Variants in BMP6 observed in about 807,000 individuals in gnomAD.
BMP6 encodes the protein VG-1-R.
In BMP6, 17 loss-of-function variants were observed where a neutral mutation model predicts 54.1. The observed-to-expected ratio is 0.31, with a 90% CI of 0.22 to 0.47. The LOEUF (loss-of-function observed/expected upper bound fraction) is 0.47. BMP6 is among the 20% of genes least tolerant of loss of function. The pLI is 1.00. For missense variants in BMP6, 720 were observed against 690.4 expected (o/e 1.04, Z -0.48); for synonymous variants, 328 against 291.2 (o/e 1.13, Z -1.28).
At chr6:7,869,659 C>G (rs1226022449) in intron 4 of BMP6, among the ~76,000 whole-genome samples, 1 of 152,164 alleles carries the variant, frequency 6.6e-6, no homozygotes, top group African/African-American at 2.4e-5. Flanking sequence ...GGCAGCCTTC[C>G]CATTTGTTTT....
chr6:7,838,559 C>T (rs557630522), intron 1 of BMP6, among the ~76,000 whole-genome samples: 6 of 152,266 alleles, frequency 3.9e-5, no homozygotes, highest in Admixed American at 1.3e-4. Flanking sequence ...TTAATAGTAC[C>T]GAACTGGACT....
chr6:7,783,747 G>C (rs1458176882), intron 1 of BMP6, among the ~76,000 whole-genome samples: 1 of 152,194 alleles, frequency 6.6e-6, no homozygotes, highest in African/African-American at 2.4e-5. Context: ...TTCTGGCTGG[G>C]GAGACCTCCT....
intron 1 of BMP6, among the ~76,000 whole-genome samples, chr6:7,802,495 G>T (rs1425555321): frequency 6.6e-6 from 1 of 152,200 alleles, no homozygotes; most frequent in Non-Finnish European, 1.5e-5. Flanking sequence ...CAAGTAAGGG[G>T]TTTCTAATAA....
At chr6:7,764,549 C>T (rs1207562711) in intron 1 of BMP6, among the ~76,000 whole-genome samples, 1 of 152,144 alleles carries the variant, frequency 6.6e-6, no homozygotes, top group East Asian at 1.9e-4. Flanking sequence ...GCCATTTGCA[C>T]ATCAGATGTT....
chr6:7,734,696 G>T (rs542859761), intron 1 of BMP6, among the ~76,000 whole-genome samples: 19 of 152,340 alleles, frequency 1.2e-4, no homozygotes, highest in Admixed American at 1.2e-3. Context: ...GAGTGGCATT[G>T]TTCCACTGAT....
At chr6:7,784,320 A>C (rs1442597601) in intron 1 of BMP6, among the ~76,000 whole-genome samples, 9 of 152,246 alleles carry the variant, frequency 5.9e-5, no homozygotes, top group African/African-American at 2.2e-4. Flanking sequence ...ATCTATTTTT[A>C]AGGAATATGA....
intron 1 of BMP6, among the ~76,000 whole-genome samples, chr6:7,761,065 A>G (rs1156317906): frequency 1.3e-5 from 2 of 152,248 alleles, no homozygotes; most frequent in South Asian, 2.1e-4. Context: ...TATATTCGGC[A>G]TTATCGTTAC....
intron 1 of BMP6, among the ~76,000 whole-genome samples, chr6:7,806,472 C>G (rs1758348447): frequency 6.6e-6 from 1 of 152,114 alleles, no homozygotes; most frequent in Admixed American, 6.6e-5. Flanking sequence ...CTTCCCCTAC[C>G]TGAAATTTTG....
chr6:7,741,399 G>A (rs1189879010), intron 1 of BMP6, among the ~76,000 whole-genome samples: 2 of 152,080 alleles, frequency 1.3e-5, no homozygotes, highest in Non-Finnish European at 2.9e-5. Flanking sequence ...GGGCTCAAGT[G>A]ATCCTCCCAC....
chr6:7,862,796 A>G (rs926951255), intron 4 of BMP6, among the ~76,000 whole-genome samples: 3 of 152,018 alleles, frequency 2.0e-5, no homozygotes, highest in Admixed American at 6.5e-5. Flanking sequence ...TTAAATTCCC[A>G]TCAAAACCCT....
intron 2 of BMP6, 140 bp from the exon 3 acceptor site, chr6:7,861,311 A>G: frequency 1.8e-6 from 2 of 1,112,626 alleles, no homozygotes; most frequent in Non-Finnish European, 2.6e-6. Flanking sequence ...TTTCAGGGCT[A>G]TGGCAAGTCA....
intron 4 of BMP6, among the ~76,000 whole-genome samples, chr6:7,878,737 T>G (rs1339005989): frequency 6.6e-6 from 1 of 152,236 alleles, no homozygotes; most frequent in Non-Finnish European, 1.5e-5. Flanking sequence ...TGTGATGCCT[T>G]CCCGGTCTGG....
At chr6:7,764,097 A>G (rs1757651245) in intron 1 of BMP6, among the ~76,000 whole-genome samples, 1 of 152,200 alleles carries the variant, frequency 6.6e-6, no homozygotes, top group African/African-American at 2.4e-5. Context: ...TGGGAGGAGC[A>G]GGCGAGGCGC....
Position 7,726,606 on chromosome 6 carries a change from C to A in BMP6, c.-350C>A, listed in dbSNP as rs1761728110. ...GTGCGGCCAGCGAGGCCCAGAGTGACCGCGCCGCGACTCGCAGGAGCCAGG... is the reference window on the plus strand; with the variant it reads ...GTGCGGCCAGCGAGGCCCAGAGTGAACGCGCCGCGACTCGCAGGAGCCAGG... On this transcript the variant is annotated 5_prime_UTR_variant, in exon 1 of 7. Transcript: ENST00000283147. Among the ~76,000 whole-genome samples the A allele has an allele frequency of 6.6e-6, 1 of 152,148 alleles. No individual in the cohort carries two copies. Among genetic ancestry groups the A allele is most frequent in the Non-Finnish European group, 1.5e-5 (1 of 68,020 alleles).
chr6:7,768,225 A>C (rs925625369), intron 1 of BMP6, among the ~76,000 whole-genome samples: 20 of 152,078 alleles, frequency 1.3e-4, no homozygotes, highest in African/African-American at 4.6e-4. Flanking sequence ...TGAAGTATGA[A>C]AGGATTTTTC....
intron 1 of BMP6, among the ~76,000 whole-genome samples, chr6:7,805,339 C>T (rs1758332438): frequency 6.6e-6 from 1 of 152,224 alleles, no homozygotes; most frequent in Admixed American, 6.5e-5. Flanking sequence ...TGCACACTGA[C>T]ACACAGGTAT....
At chr6:7,729,102 T>A (rs1761803607) in intron 1 of BMP6, among the ~76,000 whole-genome samples, 1 of 152,156 alleles carries the variant, frequency 6.6e-6, no homozygotes, top group Non-Finnish European at 1.5e-5. Flanking sequence ...GGGTTCTGAT[T>A]GGACAAGAAT....
At chr6:7,791,899 C>T (rs1407449086) in intron 1 of BMP6, among the ~76,000 whole-genome samples, 1 of 152,136 alleles carries the variant, frequency 6.6e-6, no homozygotes, top group African/African-American at 2.4e-5. Context: ...CCTTTGCCTC[C>T]TACTTAAGAA....
chr6:7,862,254 C>A (rs1299193227), intron 3 of BMP6, 47 bp from the exon 4 acceptor site: 1 of 1,598,826 alleles, frequency 6.3e-7, no homozygotes, highest in Non-Finnish European at 8.6e-7. Flanking sequence ...GCTACAGGAA[C>A]AAGTTTCTGT....
Sources: allele counts gnomAD v4.1 joint callset (sites outside exome capture counted in the v4.1 genomes callset), GRCh38; gene constraint gnomAD v4.1.1; transcripts MANE v1.5; gene names NCBI Gene and HGNC (gene_info 2026-07-23, HGNC 2026-07-21).